The following FGF12 variants were observed in gnomAD, a reference collection of about 807,000 sequenced individuals.
The protein encoded by FGF12 is fibroblast growth factor 12.
In FGF12, 14 loss-of-function variants were observed where a neutral mutation model predicts 23.6. The ratio of observed to expected loss-of-function variants is 0.59; its 90% confidence interval spans 0.39 to 0.93. The LOEUF (loss-of-function observed/expected upper bound fraction) is 0.93, where lower values mean the gene tolerates loss of function less well. Ranked by LOEUF, FGF12 falls within the 40% of genes least tolerant of loss-of-function variation. The probability of loss-of-function intolerance (pLI) is 0.00; values close to 1 mark genes in which losing one functional copy is unlikely to be tolerated. For missense variants in FGF12, 175 were observed against 217.8 expected (o/e 0.80, Z 1.24); for synonymous variants, 62 against 77.3 (o/e 0.80, Z 1.04).
At chr3:192,466,262 G>A (rs1310704449) in intron 2 of FGF12, among the ~76,000 whole-genome samples, 1 of 152,206 alleles carries the variant, frequency 6.6e-6, no homozygotes, top group African/African-American at 2.4e-5. Context: ...ATACAGGCAA[G>A]TCTCTTGTTG....
Position 192,498,049 on chromosome 3 carries a change from T to C in FGF12, c.14-137511A>G, listed in dbSNP as rs138449672. Among the ~76,000 whole-genome samples, 376 of 152,336 alleles carry C rather than the reference T, an allele frequency of 2.5e-3. 2 individuals carry two copies. Among genetic ancestry groups the C allele is most frequent in the African/African-American group, 8.8e-3 (364 of 41,578 alleles). On this transcript the variant is annotated intron_variant, in intron 2 of 5. Transcript: ENST00000445105. ...AAGCACATGTTCTTTCTTGGCCCCA[T>C]GACTCGGTGCACATTTTCCCTTTTA... is the stretch of plus-strand genomic sequence containing the variant.
At chr3:192,650,506 T>C (rs1423626075) in intron 2 of FGF12, among the ~76,000 whole-genome samples, 9 of 152,202 alleles carry the variant, frequency 5.9e-5, no homozygotes, top group Admixed American at 5.9e-4. Context: ...ACCCACTCCC[T>C]TGTACTTGTG....
intron 4 of FGF12, among the ~76,000 whole-genome samples, chr3:192,260,581 T>C (rs191979051): frequency 6.6e-6 from 1 of 152,314 alleles, no homozygotes; most frequent in Admixed American, 6.5e-5. Context: ...TGGGAGAACA[T>C]ATTCCATTAC....
chr3:192,207,129 A>G (rs1419835047), intron 4 of FGF12, among the ~76,000 whole-genome samples: 1 of 152,234 alleles, frequency 6.6e-6, no homozygotes, highest in Non-Finnish European at 1.5e-5. Flanking sequence ...AAAGCCCCTT[A>G]GCATTTGAAT....
Position 192,360,463 on chromosome 3 carries a change from G to C in FGF12, c.89C>G (p.Thr30Ser). Residue 30 changes from threonine (T) to serine (S), a missense_variant, in exon 3 of 6, where the codon ACC (threonine) becomes AGC (serine). Coordinates refer to ENST00000445105, the MANE Select transcript of FGF12 (RefSeq NM_004113.6). The surrounding 1 kb of genome is among the most constrained non-coding windows in gnomAD (Gnocchi z 4.3). The part of the protein sequence containing the change: ...GYFLQMHPDG[T>S]IDGTKDENSD... ...GTTTTCGTCCTTGGTCCCATCAATGGTACCATCTGGGTGCATCTGCAGGAA... is the reference window on the plus strand; with the variant it reads ...GTTTTCGTCCTTGGTCCCATCAATGCTACCATCTGGGTGCATCTGCAGGAA... 1 of 1,613,720 alleles carries C rather than the reference G, an allele frequency of 6.2e-7. No individual in the cohort carries two copies. Among genetic ancestry groups the C allele is most frequent in the Non-Finnish European group, 8.5e-7 (1 of 1,179,690 alleles).
At chr3:192,616,501 A>G (rs1714759190) in intron 2 of FGF12, among the ~76,000 whole-genome samples, 1 of 152,056 alleles carries the variant, frequency 6.6e-6, no homozygotes, top group Non-Finnish European at 1.5e-5. Flanking sequence ...AGCCCTGGAC[A>G]CACAGAGCCT....
chr3:192,409,068 G>T lies in FGF12; in HGVS notation c.14-48530C>A. 1.1e-6 allele frequency: 1 copy of T among 918,960 alleles called. No homozygotes were observed. Among genetic ancestry groups the T allele is most frequent in the Non-Finnish European group, 1.3e-6 (1 of 769,900 alleles). The allele number at this position is 918,960 out of a possible 1,614,324, so 56.9% of individuals were successfully genotyped here. A position where few individuals can be genotyped will look rare whatever the true frequency, so the allele number is the denominator to read the frequency against. Reference sequence around the variant, plus strand: ...CAGCACTGCAAAGAGAGCGGGAGGCGAGGGAGGGGGGAGGGCGCGAGGGAG... The same window carrying T: ...CAGCACTGCAAAGAGAGCGGGAGGCTAGGGAGGGGGGAGGGCGCGAGGGAG... On this transcript the variant is annotated intron_variant, in intron 2 of 5. Transcript: ENST00000445105. The surrounding 1 kb of genome is among the most constrained non-coding windows in gnomAD (Gnocchi z 4.8).
intron 3 of FGF12, among the ~76,000 whole-genome samples, chr3:192,356,833 A>G (rs558375401): frequency 5.3e-5 from 8 of 152,342 alleles, no homozygotes; most frequent in Admixed American, 2.6e-4. Context: ...AACAACTTAG[A>G]GGTTTATAAT....
At chr3:192,542,115 C>T (rs1352349271) in intron 2 of FGF12, among the ~76,000 whole-genome samples, 2 of 150,894 alleles carry the variant, frequency 1.3e-5, no homozygotes, top group African/African-American at 4.9e-5. Flanking sequence ...TTGAATGATC[C>T]GCCTACCTTG....
chr3:192,607,846 TA>T (rs36061162), intron 2 of FGF12, among the ~76,000 whole-genome samples: 64,048 of 121,680 alleles, frequency 0.53, 15,920 homozygotes, highest in East Asian at 0.78. Flanking sequence ...CACTGAAAAT[TA>T]AAAAAAAAAA....
chr3:192,155,594 G>A (rs1435288279), intron 5 of FGF12, among the ~76,000 whole-genome samples: 1 of 152,150 alleles, frequency 6.6e-6, no homozygotes, highest in Non-Finnish European at 1.5e-5. Context: ...CATTGCTTCT[G>A]GCCTTTTGGC....
At chr3:192,537,835 GT>G (rs1222751988) in intron 2 of FGF12, among the ~76,000 whole-genome samples, 1 of 152,018 alleles carries the variant, frequency 6.6e-6, no homozygotes, top group African/African-American at 2.4e-5. Flanking sequence ...CTGGTTGCCT[GT>G]GTTTGTGGGG....
chr3:192,692,097 T>A (rs1400774413), intron 2 of FGF12, among the ~76,000 whole-genome samples: 1 of 152,146 alleles, frequency 6.6e-6, no homozygotes, highest in Non-Finnish European at 1.5e-5. Flanking sequence ...TAAGGAATAA[T>A]TAATATCCAT....
At chr3:192,619,154 G>C (rs546854960) in intron 2 of FGF12, among the ~76,000 whole-genome samples, 3 of 152,072 alleles carry the variant, frequency 2.0e-5, no homozygotes, top group Admixed American at 6.5e-5. Flanking sequence ...CATGTTATTA[G>C]ATTTTTTAAT....
intron 2 of FGF12, among the ~76,000 whole-genome samples, chr3:192,516,126 C>A (rs183071275): frequency 1.4e-5 from 2 of 147,078 alleles, no homozygotes; most frequent in Admixed American, 6.6e-5. Flanking sequence ...CTGTCTCACA[C>A]ACCCCCTGAG....
At chr3:192,254,926 C>T (rs1236614856) in intron 4 of FGF12, among the ~76,000 whole-genome samples, 2 of 151,964 alleles carry the variant, frequency 1.3e-5, no homozygotes, top group African/African-American at 4.8e-5. Context: ...ATAATTTTTG[C>T]TAAGTTTCAA....
chr3:192,266,706 CTCAA>C (rs1009284526), intron 4 of FGF12, among the ~76,000 whole-genome samples: 45 of 152,074 alleles, frequency 3.0e-4, no homozygotes, highest in African/African-American at 1.0e-3. Flanking sequence ...TTTTCTGCTG[CTCAA>C]TCAGTCTTAC....
chr3:192,456,571 T>G (rs1477630146), intron 2 of FGF12, among the ~76,000 whole-genome samples: 3 of 152,158 alleles, frequency 2.0e-5, no homozygotes, highest in Admixed American at 6.5e-5. Context: ...AAAATCTCAT[T>G]TACCCCATAA....
chr3:192,281,250 G>A (rs1714125036), intron 4 of FGF12, among the ~76,000 whole-genome samples: 1 of 152,042 alleles, frequency 6.6e-6, no homozygotes, highest in South Asian at 2.1e-4. Flanking sequence ...TCCTAGCTTT[G>A]GGGGGTTAAT....
Sources: allele counts gnomAD v4.1 joint callset (sites outside exome capture counted in the v4.1 genomes callset), GRCh38; gene constraint gnomAD v4.1.1; non-coding constraint Gnocchi (gnomAD v3.1); transcripts MANE v1.5; gene names NCBI Gene and HGNC (gene_info 2026-07-23, HGNC 2026-07-21).